Variants in SHISA3 observed in about 807,000 individuals in gnomAD.
The protein encoded by SHISA3 is shisa family member 3.
A neutral mutation model predicts 19.2 loss-of-function variants in SHISA3; 15 were observed. The observed-to-expected ratio is 0.78, with a 90% CI of 0.52 to 1.20. SHISA3 has a LOEUF of 1.20. Among genes scored for constraint, SHISA3 ranks in the 50% most tolerant of loss-of-function variants. The pLI is 0.00. For synonymous variants in SHISA3, 145 were observed against 135.2 expected (o/e 1.07, Z -0.50); for missense variants, 327 against 315.7 (o/e 1.04, Z -0.27).
chr4:42,399,312 G>A (rs188386591), intron 1 of SHISA3, among the ~76,000 whole-genome samples: 33 of 152,218 alleles, frequency 2.2e-4, no homozygotes, highest in African/African-American at 7.9e-4. Context: ...GCCCCTCCCC[G>A]CAAACTGATA....
At chr4:42,398,850 GT>G (rs1283879452) in intron 1 of SHISA3, among the ~76,000 whole-genome samples, 1 of 152,028 alleles carries the variant, frequency 6.6e-6, no homozygotes, top group Admixed American at 6.5e-5. Flanking sequence ...TAATGATAGC[GT>G]TTCTAAGCCA....
At position 42,400,312 on chromosome 4, in the gene SHISA3, G is replaced by C. The variant is rs570434595; in HGVS notation, c.278-700G>C. On this transcript the variant is annotated intron_variant, in intron 1 of 1. Transcript: ENST00000319234. ...GGCCGTGGACACCAAGAATTGCCTG[G>C]TGATCTATCTAAAGTTCAGTCTGAC... 2.6e-5 allele frequency among the ~76,000 whole-genome samples: 4 copies of C among 152,308 alleles called. No homozygotes were observed. In the South Asian group the frequency reaches 8.3e-4, roughly 32 times the overall value.
At position 42,401,451 on chromosome 4, in the gene SHISA3, A is replaced by G; in HGVS notation, c.717A>G (p.Ter239TrpextTer42). 1.3e-6 allele frequency: 2 copies of G among 1,564,570 alleles called. No homozygotes were observed. Among genetic ancestry groups the G allele is most frequent in the South Asian group, 2.5e-5 (2 of 81,044 alleles). The stretch of plus-strand genomic sequence containing the variant: ...GCTGTCCAGACTTCAGTTCCAGTTG[A>G]CACGCCCAGGCCATGAATCCACAAC... ...GKSCPDFSSS* is the reference protein window; with the variant it reads ...GKSCPDFSSSW The change falls in exon 2 of 2, where the codon TGA (stop) becomes TGG (tryptophan). Residue 239 changes from the stop codon to tryptophan (W), a stop_lost. Coordinates refer to ENST00000319234, the MANE Select transcript of SHISA3 (RefSeq NM_001080505.3).
rs1363891962 is a variant in SHISA3, at chr4:42,402,005, ATAAC to A, written c.*558_*561del. On this transcript the variant is annotated 3_prime_UTR_variant, in exon 2 of 2. Coordinates refer to ENST00000319234, the MANE Select transcript of SHISA3 (RefSeq NM_001080505.3). Reference sequence around the variant, plus strand: ...ATGAGAACATTTACTTTTTAAATAAATAACTAAATTTTGTTTACAATATGAGTTT... The same window carrying A: ...ATGAGAACATTTACTTTTTAAATAAATAAATTTTGTTTACAATATGAGTTT... The A allele has an allele frequency of 6.6e-6, 1 of 152,296 alleles. No homozygotes were observed. Among genetic ancestry groups the A allele is most frequent in the Non-Finnish European group, 1.5e-5 (1 of 68,072 alleles). 9.4% of individuals were successfully genotyped at this position (152,296 alleles called of 1,614,324 possible). A position where few individuals can be genotyped will look rare whatever the true frequency, so the allele number is the denominator to read the frequency against.
At position 42,401,049 on chromosome 4, in the gene SHISA3, C is replaced by A; in HGVS notation, c.315C>A (p.Ile105=). 1 of 1,614,210 alleles carries A rather than the reference C, an allele frequency of 6.2e-7. No homozygotes were observed. The highest frequency in any genetic ancestry group is 8.5e-7 in the Non-Finnish European group (1 of 1,180,032). Residue 105 remains isoleucine (I), a synonymous_variant, in exon 2 of 2, where the codon ATC becomes ATA. Coordinates refer to ENST00000319234, the MANE Select transcript of SHISA3 (RefSeq NM_001080505.3). ...TCCCCTTTCTCATCGTCGGCTCCAT[C>A]TTCATTGCGTTCATCATCCTGGGCT... ...VYVPFLIVGS[I]FIAFIILGSV... is the part of the protein sequence containing the mutation.
chr4:42,399,487 ACTCTTCCCCACGGCTTCACTCG>A (rs1711845753), intron 1 of SHISA3, among the ~76,000 whole-genome samples: 1 of 151,472 alleles, frequency 6.6e-6, no homozygotes, highest in Non-Finnish European at 1.5e-5. Flanking sequence ...AAAAATATAG[ACTCTTCCCCACGGCTTCACTCG>A]CTCACCCTGG....
intron 1 of SHISA3, among the ~76,000 whole-genome samples, chr4:42,399,093 GA>G (rs1238594602): frequency 1.3e-5 from 2 of 152,118 alleles, no homozygotes; most frequent in Admixed American, 1.3e-4. Context: ...TTTACACCTT[GA>G]AAAAAAGTTT....
intron 1 of SHISA3, 126 bp downstream of exon 1, chr4:42,398,459 G>A: frequency 9.4e-7 from 1 of 1,061,598 alleles, no homozygotes; most frequent in Non-Finnish European, 1.3e-6. Context: ...CCAGGGGGAC[G>A]CGGCCGGGTG....
rs1048653337 is a variant in SHISA3, at chr4:42,401,555, A to G, written c.*104A>G. On this transcript the variant is annotated 3_prime_UTR_variant, in exon 2 of 2. Coordinates refer to ENST00000319234, the MANE Select transcript of SHISA3 (RefSeq NM_001080505.3). The stretch of plus-strand genomic sequence containing the variant: ...GAGAAAATTTCCCTTGTAACTGATC[A>G]GTGTCATGGAGGAGCATGCTAGGAA... The G allele has an allele frequency of 3.9e-5, 48 of 1,229,934 alleles. No homozygotes were observed. In the Admixed American group the frequency reaches 1.1e-3, roughly 29 times the overall value. The allele number at this position is 1,229,934 out of a possible 1,614,324, so 76.2% of individuals were successfully genotyped here. A position where few individuals can be genotyped will look rare whatever the true frequency, so the allele number is the denominator to read the frequency against.
chr4:42,400,261 T>A lies in SHISA3; in HGVS notation c.278-751T>A, dbSNP rs182420495. Among the ~76,000 whole-genome samples the A allele has an allele frequency of 1.8e-4, 27 of 152,334 alleles. No individual in the cohort carries two copies. The East Asian group carries it at 5.0e-3, about 28-fold the overall frequency. On this transcript the variant is annotated intron_variant, in intron 1 of 1. Transcript: ENST00000319234. Reference sequence around the variant, plus strand: ...GAAGGAAATTGGAGTTTGCTCTGTTTGAGGGATGCTTTTATAGAAAGTCTG... The same window carrying A: ...GAAGGAAATTGGAGTTTGCTCTGTTAGAGGGATGCTTTTATAGAAAGTCTG...
Position 42,401,400 on chromosome 4 carries a change from G to A in SHISA3, c.666G>A (p.Gln222=). The change falls in exon 2 of 2, where the codon CAG becomes CAA. Residue 222 remains glutamine (Q), a synonymous_variant. Transcript: ENST00000319234. ...VSPQYFAYPL[Q]QEPPLPGKSC... The stretch of plus-strand genomic sequence containing the variant: ...CCCAGTATTTCGCTTACCCCCTCCA[G>A]CAGGAGCCCCCACTGCCTGGGAAGA... The A allele has an allele frequency of 6.2e-7, 1 of 1,606,190 alleles. No homozygotes were observed.
rs554420222 is a variant in SHISA3, at chr4:42,401,231, C to G, written c.497C>G (p.Thr166Arg). 4 of 1,614,090 alleles carry G rather than the reference C, an allele frequency of 2.5e-6. No individual in the cohort carries two copies. The highest frequency in any genetic ancestry group is 1.3e-5 in the African/African-American group (1 of 74,950). The change falls in exon 2 of 2, where the codon ACG becomes AGG. Residue 166 changes from threonine (T) to arginine (R), a missense_variant. Physicochemically the swap from Thr to Arg is moderately conservative, Grantham distance 71. Coordinates refer to ENST00000319234, the MANE Select transcript of SHISA3 (RefSeq NM_001080505.3). Reference sequence around the variant, plus strand: ...CCCTCCCGGCAGTCCAGCACAGCCACGAGCTCCAGCTCCACAGGCGGCTCC... The same window carrying G: ...CCCTCCCGGCAGTCCAGCACAGCCAGGAGCTCCAGCTCCACAGGCGGCTCC... ...RAPSRQSSTA[T>R]SSSSTGGSIR...
In SHISA3 at chr4:42,402,276, A is replaced by T. The variant is rs1266845645; in HGVS notation, c.*825A>T. On this transcript the variant is annotated 3_prime_UTR_variant, in exon 2 of 2. Coordinates refer to ENST00000319234, the MANE Select transcript of SHISA3 (RefSeq NM_001080505.3). ...AATGTAAATATTTGTAATTTAATGT[A>T]TTTACCACATTGACTGTACTAATTA... The T allele has an allele frequency of 6.6e-6, 1 of 152,170 alleles. No homozygotes were observed. Among genetic ancestry groups the T allele is most frequent in the Non-Finnish European group, 1.5e-5 (1 of 68,004 alleles). 9.4% of individuals were successfully genotyped at this position (152,170 alleles called of 1,614,324 possible). A position where few individuals can be genotyped will look rare whatever the true frequency, so the allele number is the denominator to read the frequency against.
intron 1 of SHISA3, among the ~76,000 whole-genome samples, chr4:42,398,752 G>A (rs1195275303): frequency 6.6e-6 from 1 of 152,210 alleles, no homozygotes; most frequent in East Asian, 1.9e-4. Context: ...TTCGGGAAGT[G>A]CCGAATGCAG....
intron 1 of SHISA3, 40 bp downstream of exon 1, chr4:42,398,373 A>G: frequency 6.7e-7 from 1 of 1,487,770 alleles, no homozygotes; most frequent in Non-Finnish European, 8.9e-7. Context: ...CCGCCCGCCT[A>G]ACGGCGGCGG....
At chr4:42,400,105 G>A (rs1266837406) in intron 1 of SHISA3, among the ~76,000 whole-genome samples, 2 of 152,222 alleles carry the variant, frequency 1.3e-5, no homozygotes, top group African/African-American at 4.8e-5. Flanking sequence ...CTTAGTCAAT[G>A]CAGGCTTTCT....
In SHISA3 at chr4:42,402,088, A is replaced by G. The variant is rs1430512130; in HGVS notation, c.*637A>G. ...ATGAGGAGTTTAAAGTTTTAAATAT[A>G]TACTCAGACATTCATTGTAACACAG... On this transcript the variant is annotated 3_prime_UTR_variant, in exon 2 of 2. Coordinates refer to ENST00000319234, the MANE Select transcript of SHISA3 (RefSeq NM_001080505.3). 3 of 152,226 alleles carry G rather than the reference A, an allele frequency of 2.0e-5. No homozygotes were observed. Among genetic ancestry groups the G allele is most frequent in the Non-Finnish European group, 4.4e-5 (3 of 68,042 alleles). 9.4% of individuals were successfully genotyped at this position (152,226 alleles called of 1,614,324 possible).
intron 1 of SHISA3, among the ~76,000 whole-genome samples, chr4:42,400,152 C>T (rs1364625825): frequency 6.6e-6 from 1 of 152,228 alleles, no homozygotes; most frequent in Non-Finnish European, 1.5e-5. Flanking sequence ...CGTCTTAGCA[C>T]GGCTCTATCA....
chr4:42,401,554 CA>C lies in SHISA3; in HGVS notation c.*104del. On this transcript the variant is annotated 3_prime_UTR_variant, in exon 2 of 2. Coordinates refer to ENST00000319234, the MANE Select transcript of SHISA3 (RefSeq NM_001080505.3). Reference sequence around the variant, plus strand: ...TGAGAAAATTTCCCTTGTAACTGATCAGTGTCATGGAGGAGCATGCTAGGAA... The same window carrying C: ...TGAGAAAATTTCCCTTGTAACTGATCGTGTCATGGAGGAGCATGCTAGGAA... 1 of 1,262,358 alleles carries C rather than the reference CA, an allele frequency of 7.9e-7. No individual in the cohort carries two copies. Among genetic ancestry groups the C allele is most frequent in the Non-Finnish European group, 1.1e-6 (1 of 911,474 alleles). The allele number at this position is 1,262,358 out of a possible 1,614,324, so 78.2% of individuals were successfully genotyped here.
Sources: allele counts gnomAD v4.1 joint callset (sites outside exome capture counted in the v4.1 genomes callset), GRCh38; gene constraint gnomAD v4.1.1; transcripts MANE v1.5; gene names NCBI Gene and HGNC (gene_info 2026-07-23, HGNC 2026-07-21).